The following ERC2 variants were observed in gnomAD, a reference collection of about 807,000 sequenced individuals.
ERC2 encodes ELKS/RAB6-interacting/CAST family member 2, also known as ERC protein 2.
Under a neutral mutation model 114.8 loss-of-function variants are expected in ERC2, and 42 were observed. The ratio of observed to expected loss-of-function variants is 0.37; its 90% confidence interval spans 0.29 to 0.47. ERC2 has a LOEUF of 0.47. ERC2 is among the 20% of genes least tolerant of loss of function. The pLI, the probability that ERC2 is intolerant of heterozygous loss-of-function variation, is 0.99. For synonymous variants in ERC2, 454 were observed against 425.5 expected, an observed-to-expected ratio of 1.07 and a Z score of -0.82; for missense variants, 939 against 1,150.7, an observed-to-expected ratio of 0.82 and a Z score of 2.66.
At chr3:55,537,626 A>G (rs1363391152) in intron 17 of ERC2, among the ~76,000 whole-genome samples, 1 of 152,176 alleles carries the variant, frequency 6.6e-6, no homozygotes, top group Non-Finnish European at 1.5e-5. Context: ...CTCTGGGTCA[A>G]CCTCTAGTTT....
chr3:55,995,540 AAAAGTCATAT>A (rs2071439051), intron 10 of ERC2, among the ~76,000 whole-genome samples: 2 of 152,178 alleles, frequency 1.3e-5, no homozygotes. Context: ...AGCTTTAAGA[AAAAGTCATAT>A]AAAGATGACA....
Position 55,888,461 on chromosome 3 carries a change from G to C in ERC2, c.2492C>G (p.Ala831Gly). The part of the protein sequence containing the change: ...ARLASTQQSL[A>G]EKEAHLANLR... ...GTTGGCCAAGTGCGCTTCTTTTTCG[G>C]CCAGGGACTGTTGTGTGGAGGCGAG... Residue 831 changes from alanine (A) to glycine (G), a missense_variant, in exon 14 of 18, where the codon GCC becomes GGC. Physicochemically the swap from Ala to Gly is moderately conservative, Grantham distance 60. Coordinates refer to ENST00000288221, the MANE Select transcript of ERC2 (RefSeq NM_015576.3). 3 of 1,613,824 alleles carry C rather than the reference G, an allele frequency of 1.9e-6. No individual in the cohort carries two copies. Among genetic ancestry groups the C allele is most frequent in the Non-Finnish European group, 2.5e-6 (3 of 1,179,834 alleles).
intron 3 of ERC2, among the ~76,000 whole-genome samples, chr3:56,196,700 C>T (rs560389071): frequency 1.3e-5 from 2 of 152,242 alleles, no homozygotes; most frequent in African/African-American, 4.8e-5. Flanking sequence ...CTGGCAAGTC[C>T]ATTCCTCATA....
chr3:55,784,815 C>T (rs959343834), intron 14 of ERC2, among the ~76,000 whole-genome samples: 7 of 152,192 alleles, frequency 4.6e-5, no homozygotes, highest in Non-Finnish European at 8.8e-5. Context: ...GGAGTTAGTT[C>T]TTTGCATGTG....
At chr3:56,147,224 C>T (rs78550779) in intron 5 of ERC2, among the ~76,000 whole-genome samples, 26 of 152,294 alleles carry the variant, frequency 1.7e-4, no homozygotes, top group African/African-American at 5.8e-4. Context: ...CTGTGCTTGC[C>T]GAACCTCGGC....
intron 2 of ERC2, among the ~76,000 whole-genome samples, chr3:56,406,120 T>C (rs963654256): frequency 7.4e-6 from 1 of 134,852 alleles, no homozygotes; most frequent in Non-Finnish European, 1.6e-5. Context: ...CGTGAACTCC[T>C]GGCCTCAAGT....
intron 17 of ERC2, among the ~76,000 whole-genome samples, chr3:55,543,098 C>A (rs1366255552): frequency 6.6e-6 from 1 of 152,174 alleles, no homozygotes; most frequent in Admixed American, 6.5e-5. Flanking sequence ...TGCCTTCCTG[C>A]ACCCGCTGTG....
chr3:56,086,828 T>C (rs540568995), intron 6 of ERC2, among the ~76,000 whole-genome samples: 8 of 152,258 alleles, frequency 5.3e-5, no homozygotes, highest in African/African-American at 1.9e-4. Flanking sequence ...GCCTGAAGTC[T>C]AGATTATACT....
At chr3:55,902,432 A>C (rs2064185833) in intron 13 of ERC2, among the ~76,000 whole-genome samples, 1 of 152,060 alleles carries the variant, frequency 6.6e-6, no homozygotes, top group Admixed American at 6.6e-5. Context: ...CCTTGGGAAA[A>C]ATCACTTCAT....
chr3:56,082,023 T>C (rs2077259746), intron 6 of ERC2, among the ~76,000 whole-genome samples: 1 of 152,186 alleles, frequency 6.6e-6, no homozygotes, highest in Non-Finnish European at 1.5e-5. Context: ...TGTTCTCAGC[T>C]AAACAATGAC....
intron 3 of ERC2, among the ~76,000 whole-genome samples, chr3:56,232,989 A>G (rs374376064): frequency 2.6e-4 from 40 of 152,320 alleles, no homozygotes; most frequent in African/African-American, 9.4e-4. Flanking sequence ...TCAGATATGC[A>G]TTGGCACTTT....
intron 14 of ERC2, among the ~76,000 whole-genome samples, chr3:55,772,325 T>TC (rs2068274963): frequency 6.6e-6 from 1 of 151,826 alleles, no homozygotes; most frequent in East Asian, 1.9e-4. Context: ...GTATTCTTTT[T>TC]TTTTTTTGAG....
At chr3:56,098,055 AC>A (rs908863924) in intron 6 of ERC2, among the ~76,000 whole-genome samples, 50 of 152,308 alleles carry the variant, frequency 3.3e-4, no homozygotes, top group African/African-American at 1.2e-3. Flanking sequence ...CACAAGAAAT[AC>A]CCAGAAATGA....
chr3:56,405,644 C>CAGATAGAT (rs59698815), intron 2 of ERC2, among the ~76,000 whole-genome samples: 20 of 151,296 alleles, frequency 1.3e-4, no homozygotes, highest in South Asian at 4.2e-4. Flanking sequence ...GATACATAGA[C>CAGATAGAT]AGATAGATAG....
At position 56,293,637 on chromosome 3, in the gene ERC2, C is replaced by G. The variant is rs1430714953; in HGVS notation, c.1074+2382G>C. ...ACAGATGTATTTTCCAAATTCTCCC[C>G]CTCTTGATGAGCTAAAATAAGGGCT... is the stretch of plus-strand genomic sequence containing the variant. On this transcript the variant is annotated intron_variant, in intron 3 of 17. Coordinates refer to ENST00000288221, the MANE Select transcript of ERC2 (RefSeq NM_015576.3). 2.0e-5 allele frequency among the ~76,000 whole-genome samples: 3 copies of G among 152,142 alleles called. No homozygotes were observed. In the East Asian group the frequency reaches 5.8e-4, roughly 29 times the overall value.
chr3:55,687,160 G>A (rs2062375683), intron 16 of ERC2, among the ~76,000 whole-genome samples: 1 of 152,308 alleles, frequency 6.6e-6, no homozygotes, highest in South Asian at 2.1e-4. Flanking sequence ...CAGCGGCTAT[G>A]TTGATGACAA....
At chr3:55,922,876 T>C (rs1455690850) in intron 13 of ERC2, among the ~76,000 whole-genome samples, 1 of 152,120 alleles carries the variant, frequency 6.6e-6, no homozygotes, top group Non-Finnish European at 1.5e-5. Flanking sequence ...AGATGGCTGT[T>C]GTCAAAAAGT....
chr3:55,952,222 A>C (rs2067631053), intron 12 of ERC2, among the ~76,000 whole-genome samples: 1 of 130,624 alleles, frequency 7.7e-6, no homozygotes, highest in African/African-American at 2.7e-5. Flanking sequence ...ATATATTCTG[A>C]ACACTTTGTC....
chr3:55,965,851 G>A (rs2068715330), intron 12 of ERC2, among the ~76,000 whole-genome samples: 1 of 152,146 alleles, frequency 6.6e-6, no homozygotes, highest in African/African-American at 2.4e-5. Context: ...TCAGTGGTGG[G>A]TGGTGGATGA....
Sources: gnomAD v4.1 joint callset for allele counts (sites outside exome capture counted in the v4.1 genomes callset) on GRCh38, gnomAD v4.1.1 for gene constraint, MANE v1.5 for transcripts, NCBI Gene and HGNC (gene_info 2026-07-23, HGNC 2026-07-21) for gene names.